TGIF1: variants seen among roughly 807,000 people sequenced by gnomAD.
TGIF1 encodes the protein homeobox protein TGIF1.
TGIF1 carries 4 observed loss-of-function variants against 19.3 expected under a neutral mutation model. The ratio of observed to expected loss-of-function variants is 0.21; its 90% CI spans 0.10 to 0.47. TGIF1 has a LOEUF of 0.47. Ranked by LOEUF, TGIF1 falls within the 20% of genes least tolerant of loss-of-function variation. The pLI, the probability that TGIF1 is intolerant of heterozygous loss-of-function variation, is 0.98. For missense variants in TGIF1, 275 were observed against 341.4 expected (o/e 0.81, Z 1.53); for synonymous variants, 122 against 129.3 (o/e 0.94, Z 0.38).
Position 3,458,400 on chromosome 18 carries a change from T to C in TGIF1, c.*460T>C, listed in dbSNP as rs1428821515. 1 of 167,902 alleles carries C rather than the reference T, an allele frequency of 6.0e-6. No individual in the cohort carries two copies. Among genetic ancestry groups the C allele is most frequent in the African/African-American group, 2.4e-5 (1 of 41,510 alleles). 10.4% of individuals were successfully genotyped at this position (167,902 alleles called of 1,614,324 possible). Reference sequence around the variant, plus strand: ...TTTTTTTCATGACATAATAAAGTATTTTCTTTAAAAATTGTTGTAATTCAG... The same window carrying C: ...TTTTTTTCATGACATAATAAAGTATCTTCTTTAAAAATTGTTGTAATTCAG... On this transcript the variant is annotated 3_prime_UTR_variant, in exon 3 of 3. Transcript: ENST00000343820.
chr18:3,445,765 C>CAAAAAA (rs755240649), upstream of TGIF1, among the ~76,000 whole-genome samples: 158 of 35,812 alleles, frequency 4.4e-3, no homozygotes, highest in Admixed American at 8.8e-3. Flanking sequence ...AGAAGAAAAG[C>CAAAAAA]AAAAAAAAAA....
chr18:3,427,670 G>GTT (rs2082490274), intron 2 of TGIF1, among the ~76,000 whole-genome samples: 1 of 150,440 alleles, frequency 6.6e-6, no homozygotes, highest in Non-Finnish European at 1.5e-5. Flanking sequence ...CGGGCTCTCA[G>GTT]TTTACTGCAA....
chr18:3,425,294 C>G (rs2082452276), intron 2 of TGIF1, among the ~76,000 whole-genome samples: 1 of 152,200 alleles, frequency 6.6e-6, no homozygotes, highest in African/African-American at 2.4e-5. Context: ...CCAAGCTAAC[C>G]ACGGGAGAAA....
At chr18:3,426,186 T>TTTTTTTTTG (rs2082465841) in intron 2 of TGIF1, among the ~76,000 whole-genome samples, 1 of 148,524 alleles carries the variant, frequency 6.7e-6, no homozygotes, top group African/African-American at 2.5e-5. Context: ...TTTTTTTTTT[T>TTTTTTTTTG]GAGACAGGGT....
At chr18:3,433,153 A>G (rs867745356) in intron 2 of TGIF1, among the ~76,000 whole-genome samples, 1 of 151,476 alleles carries the variant, frequency 6.6e-6, no homozygotes, top group Non-Finnish European at 1.5e-5. Flanking sequence ...AGCTCACTGC[A>G]GCCTCCACCT....
chr18:3,433,124 A>G (rs950025575), intron 2 of TGIF1, among the ~76,000 whole-genome samples: 5 of 150,258 alleles, frequency 3.3e-5, no homozygotes, highest in African/African-American at 1.2e-4. Context: ...CCCAGGTTTG[A>G]GTGCAGTGGA....
chr18:3,443,022 G>A (rs912916862), intron 2 of TGIF1, among the ~76,000 whole-genome samples: 5 of 152,126 alleles, frequency 3.3e-5, no homozygotes, highest in African/African-American at 1.2e-4. Context: ...AATGAAACAC[G>A]TTTTGATGCA....
At chr18:3,429,123 T>C (rs1207384938) in intron 2 of TGIF1, among the ~76,000 whole-genome samples, 1 of 152,160 alleles carries the variant, frequency 6.6e-6, no homozygotes, top group Non-Finnish European at 1.5e-5. Context: ...GTGGTAGGAT[T>C]ATAGCTCACT....
intron 1 of TGIF1, among the ~76,000 whole-genome samples, chr18:3,415,743 G>A (rs2082324051): frequency 6.6e-6 from 1 of 152,176 alleles, no homozygotes; most frequent in African/African-American, 2.4e-5. Flanking sequence ...TGAATGGGGG[G>A]CAAGTTTGGC....
intron 2 of TGIF1, among the ~76,000 whole-genome samples, chr18:3,423,754 C>T (rs573079371): frequency 6.6e-6 from 1 of 152,078 alleles, no homozygotes; most frequent in East Asian, 1.9e-4. Context: ...ACTCGGGAGA[C>T]TAAGGCAGGA....
upstream of TGIF1, among the ~76,000 whole-genome samples, chr18:3,445,765 C>CAAAAAAA (rs755240649): frequency 2.0e-3 from 72 of 35,820 alleles, no homozygotes; most frequent in Non-Finnish European, 2.4e-3. Flanking sequence ...AGAAGAAAAG[C>CAAAAAAA]AAAAAAAAAA....
intron 2 of TGIF1, among the ~76,000 whole-genome samples, chr18:3,421,710 C>T (rs2082400338): frequency 6.6e-6 from 1 of 151,894 alleles, no homozygotes; most frequent in Non-Finnish European, 1.5e-5. Flanking sequence ...CCGCGCCCAT[C>T]TATACTATAT....
In TGIF1 at chr18:3,429,243, T is replaced by C. The variant is rs528057361; in HGVS notation, c.-45+11028T>C. On this transcript the variant is annotated intron_variant, in intron 2 of 3. Coordinates refer to the TGIF1 transcript ENST00000401449. ...AGCTAATTTTGTAATTTTTTTTTTGTAGAGACTGGAGTCTCGCTTTGTTTG... is the reference window on the plus strand; with the variant it reads ...AGCTAATTTTGTAATTTTTTTTTTGCAGAGACTGGAGTCTCGCTTTGTTTG... 2.0e-5 allele frequency among the ~76,000 whole-genome samples: 3 copies of C among 152,068 alleles called. No individual in the cohort carries two copies. In the South Asian group the frequency reaches 6.2e-4, roughly 32 times the overall value.
chr18:3,451,234 A>G lies in TGIF1; in HGVS notation c.16+729A>G, dbSNP rs1347285945. 6.6e-6 allele frequency among the ~76,000 whole-genome samples: 1 copy of G among 152,234 alleles called. No individual in the cohort carries two copies. The highest frequency in any genetic ancestry group is 2.4e-5 in the African/African-American group (1 of 41,462). On this transcript the variant is annotated intron_variant, in intron 1 of 2. Transcript: ENST00000343820. This position sits in a 1 kb window ranked among gnomAD's most constrained non-coding sequence, Gnocchi z 5.4. ...CAAAATGCGTCCAAATGTGACAAGC[A>G]GGCTTGGTTGTAAGTGCAAAGAGCA...
At chr18:3,422,296 TAAAAAAAAA>T (rs34822467) in intron 2 of TGIF1, among the ~76,000 whole-genome samples, 7 of 80,412 alleles carry the variant, frequency 8.7e-5, no homozygotes, top group African/African-American at 2.1e-4. Context: ...GTTTAAAAAG[TAAAAAAAAA>T]AAAAAAAAAA....
At chr18:3,427,962 A>G (rs2082495257) in intron 2 of TGIF1, among the ~76,000 whole-genome samples, 1 of 152,260 alleles carries the variant, frequency 6.6e-6, no homozygotes, top group African/African-American at 2.4e-5. Context: ...TGCCGTTCTC[A>G]AAACGTGGTG....
Position 3,459,888 on chromosome 18 carries a change from T to C in TGIF1, c.*1948T>C, listed in dbSNP as rs1018912788. 5.9e-5 allele frequency: 9 copies of C among 152,218 alleles called. No individual in the cohort carries two copies. Among genetic ancestry groups the C allele is most frequent in the African/African-American group, 2.2e-4 (9 of 41,460 alleles). 9.4% of individuals were successfully genotyped at this position (152,218 alleles called of 1,614,324 possible). ...GTACATTTAAGTGAAAAGATAAATGTAAAAAGCTGTTCATATCAAAGCCAA... is the reference window on the plus strand; with the variant it reads ...GTACATTTAAGTGAAAAGATAAATGCAAAAAGCTGTTCATATCAAAGCCAA... On this transcript the variant is annotated 3_prime_UTR_variant, in exon 3 of 3. Coordinates refer to ENST00000343820, the MANE Select transcript of TGIF1 (RefSeq NM_003244.4).
chr18:3,429,020 T>G (rs982606021), intron 2 of TGIF1, among the ~76,000 whole-genome samples: 9 of 151,994 alleles, frequency 5.9e-5, no homozygotes, highest in South Asian at 2.1e-4. Context: ...GCCACTGCAC[T>G]CCAGCCTGGG....
At chr18:3,452,412 T>G in intron 1 of TGIF1, 1 of 1,612,964 alleles carries the variant, frequency 6.2e-7, no homozygotes, top group Non-Finnish European at 8.5e-7. Context: ...ACTTTGCGAC[T>G]GGTTCAGGGC....
Sources: allele counts gnomAD v4.1 joint callset (sites outside exome capture counted in the v4.1 genomes callset), GRCh38; gene constraint gnomAD v4.1.1; non-coding constraint Gnocchi (gnomAD v3.1); transcripts MANE v1.5; gene names NCBI Gene and HGNC (gene_info 2026-07-23, HGNC 2026-07-21).